SACM1L: variants seen among roughly 807,000 people sequenced by gnomAD.
The protein encoded by SACM1L is SAC1 like phosphatidylinositide phosphatase.
Under a neutral mutation model 89.5 loss-of-function variants are expected in SACM1L, and 32 were observed. The observed-to-expected ratio is 0.36, with a 90% CI of 0.27 to 0.48. The LOEUF (loss-of-function observed/expected upper bound fraction) is 0.48. Among genes scored for constraint, SACM1L ranks in the 20% least tolerant of loss-of-function variants. The pLI is 0.99. For missense variants in SACM1L, 543 were observed against 708.5 expected (o/e 0.77, Z 2.65); for synonymous variants, 213 against 232.8 (o/e 0.92, Z 0.77).
intron 11 of SACM1L, among the ~76,000 whole-genome samples, chr3:45,725,529 A>C (rs1049515320): frequency 1.3e-5 from 2 of 152,026 alleles, no homozygotes; most frequent in Non-Finnish European, 2.9e-5. Context: ...ATAGAAATGC[A>C]ACTGATTATT....
At chr3:45,739,977 T>G (rs956962382) in intron 19 of SACM1L, 1 of 327,086 alleles carries the variant, frequency 3.1e-6, no homozygotes, top group African/African-American at 2.1e-5. Flanking sequence ...CAAGATACAG[T>G]AGGATCAGTA....
Position 45,706,816 on chromosome 3 carries a change from T to C in SACM1L, c.242T>C (p.Val81Ala), listed in dbSNP as rs1261815935. The C allele has an allele frequency of 2.5e-6, 4 of 1,611,672 alleles. No homozygotes were observed. Among genetic ancestry groups the C allele is most frequent in the East Asian group, 4.5e-5 (2 of 44,830 alleles). The change falls in exon 4 of 20, where the codon GTA becomes GCA. Residue 81 changes from valine (V) to alanine (A), a missense_variant. By Grantham distance (64) the Val-to-Ala change is moderately conservative. Transcript: ENST00000389061. ...YLIVITKKIK[V>A]GEFFSHVVWK... ...ATAGTCATTACCAAAAAGATAAAAG[T>C]AGGTGAATTTTTCAGTCATGTAGTC...
intron 3 of SACM1L, 92 bp downstream of exon 3, chr3:45,705,301 T>A (rs1469344588): frequency 1.4e-6 from 1 of 714,396 alleles, no homozygotes; most frequent in East Asian, 2.7e-5. Flanking sequence ...GAAGTAATAC[T>A]TTGTATCATG....
At chr3:45,695,199 A>G (rs1321837607) in intron 1 of SACM1L, among the ~76,000 whole-genome samples, 1 of 151,918 alleles carries the variant, frequency 6.6e-6, no homozygotes, top group African/African-American at 2.4e-5. Context: ...AACCTAGTAA[A>G]GTGTTGTGCC....
intron 8 of SACM1L, 28 bp from the exon 9 acceptor site, chr3:45,721,972 G>A: frequency 1.4e-6 from 2 of 1,476,798 alleles, no homozygotes; most frequent in Non-Finnish European, 1.9e-6. Flanking sequence ...AATCAGTATA[G>A]TTAATTCTTA....
intron 2 of SACM1L, 88 bp from the exon 3 acceptor site, chr3:45,705,047 C>A: frequency 2.5e-6 from 2 of 798,598 alleles, no homozygotes; most frequent in Admixed American, 2.2e-5. Context: ...TTGATGTAGT[C>A]AAAGTAACTA....
At chr3:45,707,016 C>A in intron 4 of SACM1L, 109 bp downstream of exon 4, 1 of 1,043,134 alleles carries the variant, frequency 9.6e-7, no homozygotes, top group Non-Finnish European at 1.4e-6. Flanking sequence ...ATTATTTTAA[C>A]AACCTATAGA....
At chr3:45,702,823 T>G (rs1357159662) in intron 1 of SACM1L, among the ~76,000 whole-genome samples, 2 of 152,252 alleles carry the variant, frequency 1.3e-5, no homozygotes, top group African/African-American at 4.8e-5. Context: ...TTTTCCAGAG[T>G]GAGTTTTTTT....
chr3:45,713,056 G>C, intron 5 of SACM1L, 81 bp from the exon 6 acceptor site: 1 of 1,128,978 alleles, frequency 8.9e-7, no homozygotes, highest in Non-Finnish European at 1.3e-6. Flanking sequence ...ATCAGAAAGA[G>C]ACATTGATTG....
At position 45,701,068 on chromosome 3, in the gene SACM1L, G is replaced by A. The variant is rs73058443; in HGVS notation, c.33-2370G>A. ...TTAGATGCCTTGGTGTTTGGGTCTC[G>A]AGGTGACAAAACTTTTAAAAAATTA... On this transcript the variant is annotated intron_variant, in intron 1 of 19. Transcript: ENST00000389061. Among the ~76,000 whole-genome samples the A allele has an allele frequency of 8.5e-4, 130 of 152,206 alleles. 1 individual carries two copies. Among genetic ancestry groups the A allele is most frequent in the Admixed American group, 1.3e-3 (20 of 15,274 alleles).
intron 4 of SACM1L, among the ~76,000 whole-genome samples, chr3:45,707,806 T>C (rs1469140854): frequency 5.3e-5 from 8 of 152,318 alleles, no homozygotes; most frequent in Non-Finnish European, 1.2e-4. Flanking sequence ...GGAAGGTGTA[T>C]GACAGTTCAC....
At chr3:45,742,434 T>C (rs192633695) in intron 19 of SACM1L, among the ~76,000 whole-genome samples, 1 of 152,330 alleles carries the variant, frequency 6.6e-6, no homozygotes, top group Admixed American at 6.5e-5. Flanking sequence ...GGAAGGAGTC[T>C]GGATGCTAGT....
At chr3:45,730,032 T>C (rs544290162) in intron 11 of SACM1L, among the ~76,000 whole-genome samples, 7 of 152,140 alleles carry the variant, frequency 4.6e-5, no homozygotes, top group Non-Finnish European at 1.0e-4. Context: ...TGATTTCTTT[T>C]AGTTGTTTGT....
chr3:45,734,054 A>C (rs1699138639), intron 13 of SACM1L, among the ~76,000 whole-genome samples: 1 of 152,096 alleles, frequency 6.6e-6, no homozygotes, highest in African/African-American at 2.4e-5. Flanking sequence ...GATTTTTCAA[A>C]TAATACCCAA....
chr3:45,713,221 C>T, intron 6 of SACM1L, 25 bp downstream of exon 6: 1 of 1,579,834 alleles, frequency 6.3e-7, no homozygotes, highest in Non-Finnish European at 8.6e-7. Context: ...ATAAAATCTG[C>T]TTAATTGTTA....
rs1699084759 is a variant in SACM1L at position 45,732,038 on chromosome 3, C to G, written c.1002-15C>G. The G allele has an allele frequency of 1.4e-6, 2 of 1,478,110 alleles. No individual in the cohort carries two copies. Among genetic ancestry groups the G allele is most frequent in the African/African-American group, 1.4e-5 (1 of 70,416 alleles). 91.6% of individuals were successfully genotyped at this position (1,478,110 alleles called of 1,614,324 possible). ...TGATCTCTGGTCGGTTTCTGAATATCTTTTCTTTTGGTAGATACATTGCCT... is the reference window on the plus strand; with the variant it reads ...TGATCTCTGGTCGGTTTCTGAATATGTTTTCTTTTGGTAGATACATTGCCT... On this transcript the variant is annotated splice_polypyrimidine_tract_variant and intron_variant, in intron 12 of 19. Coordinates refer to ENST00000389061, the MANE Select transcript of SACM1L (RefSeq NM_014016.5).
intron 1 of SACM1L, among the ~76,000 whole-genome samples, chr3:45,694,016 G>A (rs1698064638): frequency 6.6e-6 from 1 of 152,090 alleles, no homozygotes; most frequent in African/African-American, 2.4e-5. Context: ...TTGGCAGTTC[G>A]GCGTAGGTGT....
chr3:45,698,830 G>A (rs984500221), intron 1 of SACM1L, among the ~76,000 whole-genome samples: 2 of 152,000 alleles, frequency 1.3e-5, no homozygotes, highest in Admixed American at 6.5e-5. Flanking sequence ...GCAGTGGCGT[G>A]ATCTCAGCTC....
chr3:45,722,136 G>T, intron 9 of SACM1L, 51 bp downstream of exon 9: 1 of 1,084,238 alleles, frequency 9.2e-7, no homozygotes, highest in South Asian at 1.4e-5. Flanking sequence ...TTTCTGCTTG[G>T]ATTATAATTT....
Sources: allele counts gnomAD v4.1 joint callset (sites outside exome capture counted in the v4.1 genomes callset), GRCh38; gene constraint gnomAD v4.1.1; transcripts MANE v1.5; gene names NCBI Gene and HGNC (gene_info 2026-07-23, HGNC 2026-07-21).